Variants in KDM4A observed in about 807,000 individuals in gnomAD.
The protein encoded by KDM4A is lysine demethylase 4A, also known as lysine-specific demethylase 4A.
KDM4A carries 23 observed loss-of-function variants against 127.1 expected under a neutral mutation model. The observed-to-expected ratio is 0.18, with a 90% CI of 0.13 to 0.26. The LOEUF is 0.26. Among genes scored for constraint, KDM4A ranks in the 10% least tolerant of loss-of-function variants. KDM4A has a pLI of 1.00. For missense variants in KDM4A, 890 were observed against 1,329.1 expected, an observed-to-expected ratio of 0.67 and a Z score of 5.14; for synonymous variants, 443 against 466.5, an observed-to-expected ratio of 0.95 and a Z score of 0.65.
At chr1:43,703,114 T>C (rs1661445516) in intron 19 of KDM4A, among the ~76,000 whole-genome samples, 1 of 151,928 alleles carries the variant, frequency 6.6e-6, no homozygotes, top group Admixed American at 6.5e-5. Flanking sequence ...GGCTAATTTT[T>C]TGCATTTTTA....
intron 16 of KDM4A, among the ~76,000 whole-genome samples, chr1:43,692,733 G>A (rs1661146667): frequency 6.6e-6 from 1 of 152,214 alleles, no homozygotes; most frequent in Non-Finnish European, 1.5e-5. Context: ...TGTTTGGAAT[G>A]AGGCGAGTGT....
chr1:43,665,798 T>G, intron 6 of KDM4A, 53 bp downstream of exon 6: 3 of 1,581,970 alleles, frequency 1.9e-6, no homozygotes, highest in Non-Finnish European at 2.6e-6. Context: ...GCTGTGCTCC[T>G]TGCTCTGCAC....
At chr1:43,666,631 A>G (rs1455514547) in intron 7 of KDM4A, 76 bp downstream of exon 7, 1 of 1,177,900 alleles carries the variant, frequency 8.5e-7, no homozygotes, top group Non-Finnish European at 1.3e-6. Flanking sequence ...ATTCTAGTTC[A>G]TCACTATACC....
At chr1:43,673,769 G>C (rs1472768026) in intron 11 of KDM4A, among the ~76,000 whole-genome samples, 2 of 152,050 alleles carry the variant, frequency 1.3e-5, no homozygotes, top group African/African-American at 4.8e-5. Flanking sequence ...TTGCCACCTA[G>C]CAATTCTTCC....
At chr1:43,668,165 G>A (rs544098533) in intron 9 of KDM4A, 146 bp downstream of exon 9, 7 of 1,133,266 alleles carry the variant, frequency 6.2e-6, no homozygotes, top group East Asian at 2.4e-5. Flanking sequence ...TCGCTCTGTC[G>A]CCCAGGCTGG....
intron 11 of KDM4A, among the ~76,000 whole-genome samples, chr1:43,676,527 G>T (rs1660745899): frequency 6.6e-6 from 1 of 151,994 alleles, no homozygotes; most frequent in Non-Finnish European, 1.5e-5. Flanking sequence ...CACCATCTTG[G>T]CCAGGCTGGT....
intron 3 of KDM4A, 89 bp downstream of exon 3, chr1:43,655,855 T>A: frequency 9.1e-7 from 1 of 1,094,282 alleles, no homozygotes; most frequent in Non-Finnish European, 1.3e-6. Flanking sequence ...GCTGTCCTGA[T>A]GAACAGTGTC....
Position 43,693,149 on chromosome 1 carries a change from A to G in KDM4A, c.2375+838A>G, listed in dbSNP as rs1661158501. Among the ~76,000 whole-genome samples the G allele has an allele frequency of 6.6e-6, 1 of 152,184 alleles. No homozygotes were observed. ...TCACTGGGTTCCTCACAGTCACAGG[A>G]TAGTGCTGGGAACATTCTTTCTTAT... On this transcript the variant is annotated intron_variant, in intron 16 of 21. Transcript: ENST00000372396. This position sits in a 1 kb window ranked among gnomAD's most constrained non-coding sequence, Gnocchi z 4.2.
Position 43,689,005 on chromosome 1 carries a change from A to G in KDM4A, c.1947A>G (p.Pro649=). The G allele has an allele frequency of 6.2e-7, 1 of 1,614,240 alleles. No individual in the cohort carries two copies. The highest frequency in any genetic ancestry group is 8.5e-7 in the Non-Finnish European group (1 of 1,180,042). Residue 649 remains proline, a synonymous_variant, in exon 13 of 22, where the codon CCA becomes CCG. Coordinates refer to ENST00000372396, the MANE Select transcript of KDM4A (RefSeq NM_014663.3). ...GCCAACTGTGGCAGAACCGACCTCC[A>G]AACTTTGAGGCTGAGAAGGAATTCA... ...PLSQLWQNRP[P]NFEAEKEFNE...
At chr1:43,696,417 G>A (rs1231157762) in intron 18 of KDM4A, among the ~76,000 whole-genome samples, 1 of 152,240 alleles carries the variant, frequency 6.6e-6, no homozygotes, top group Non-Finnish European at 1.5e-5. Flanking sequence ...GGCCAGCCCA[G>A]AAGGATGAAC....
chr1:43,653,375 C>G, intron 2 of KDM4A, 62 bp downstream of exon 2: 1 of 1,254,322 alleles, frequency 8.0e-7, no homozygotes, highest in South Asian at 1.5e-5. Flanking sequence ...AGATTTTTTT[C>G]CTACATTTGG....
chr1:43,669,749 A>G lies in KDM4A; in HGVS notation c.1363+450A>G, dbSNP rs998864422. On this transcript the variant is annotated intron_variant, in intron 10 of 21. Transcript: ENST00000372396. Reference sequence around the variant, plus strand: ...CTGCAACTTCTGCCTCCTGGGTTCAAGCGATTCTCCTGCCTCAGCCTTCCA... The same window carrying G: ...CTGCAACTTCTGCCTCCTGGGTTCAGGCGATTCTCCTGCCTCAGCCTTCCA... 2.0e-5 allele frequency among the ~76,000 whole-genome samples: 3 copies of G among 151,870 alleles called. 1 individual carries two copies. Among genetic ancestry groups the G allele is most frequent in the Admixed American group, 6.6e-5 (1 of 15,240 alleles).
At chr1:43,699,540 T>G (rs1255303298) in intron 19 of KDM4A, among the ~76,000 whole-genome samples, 1 of 152,196 alleles carries the variant, frequency 6.6e-6, no homozygotes. Context: ...GACTCCATTT[T>G]CTACAAGTTA....
chr1:43,666,368 T>C lies in KDM4A; in HGVS notation c.674-84T>C, dbSNP rs778995347. 4 of 1,060,224 alleles carry C rather than the reference T, an allele frequency of 3.8e-6. No homozygotes were observed. The African/African-American group carries it at 4.7e-5, about 13-fold the overall frequency. 65.7% of individuals were successfully genotyped at this position (1,060,224 alleles called of 1,614,324 possible). ...TGATGCATCCTCTTTATCATTCCGA[T>C]GAGAAGCACAGGTGTGAAGTGACTC... On this transcript the variant is annotated intron_variant, in intron 6 of 21. Transcript: ENST00000372396.
Position 43,704,750 on chromosome 1 carries a change from C to A in KDM4A, c.*380C>A. 1 of 244,784 alleles carries A rather than the reference C, an allele frequency of 4.1e-6. No individual in the cohort carries two copies. Among genetic ancestry groups the A allele is most frequent in the Non-Finnish European group, 8.0e-6 (1 of 125,762 alleles). 15.2% of individuals were successfully genotyped at this position (244,784 alleles called of 1,614,324 possible). A position where few individuals can be genotyped will look rare whatever the true frequency, so the allele number is the denominator to read the frequency against. On this transcript the variant is annotated 3_prime_UTR_variant, in exon 22 of 22. Transcript: ENST00000372396. Reference sequence around the variant, plus strand: ...GCTGAGGTGCTGGTACTTGCCCCAACCCCTACTTTTGTATTTATATGTGTG... The same window carrying A: ...GCTGAGGTGCTGGTACTTGCCCCAAACCCTACTTTTGTATTTATATGTGTG...
At chr1:43,666,351 C>G in intron 6 of KDM4A, 101 bp from the exon 7 acceptor site, 1 of 906,102 alleles carries the variant, frequency 1.1e-6, no homozygotes, top group Non-Finnish European at 1.8e-6. Context: ...GGTGATGCAT[C>G]CTCTTTATCA....
chr1:43,697,953 C>T lies in KDM4A; in HGVS notation c.2781C>T (p.Phe927=). ...CEVVRLTTET[F]YEVNFDDGSF... ...TGGTCAGGCTCACCACCGAGACCTT[C>T]TATGAAGTCAACTTTGATGATGGCT... The change falls in exon 19 of 22, where the codon TTC becomes TTT. Residue 927 remains phenylalanine (F), a synonymous_variant. Coordinates refer to ENST00000372396, the MANE Select transcript of KDM4A (RefSeq NM_014663.3). The T allele has an allele frequency of 1.2e-6, 2 of 1,614,016 alleles. No homozygotes were observed. Among genetic ancestry groups the T allele is most frequent in the South Asian group, 1.1e-5 (1 of 91,076 alleles).
chr1:43,667,884 A>G lies in KDM4A; in HGVS notation c.1028A>G (p.His343Arg), dbSNP rs1478111127. ...KAGKDNTVID[H>R]TLPTPEAAEF... ...GGGAAGGACAACACAGTTATTGACC[A>G]TACTCTGCCCACGCCAGAAGCAGCT... Residue 343 changes from histidine to arginine, a missense_variant, in exon 9 of 22, where the codon CAT (histidine) becomes CGT (arginine). This residue lies in a region of KDM4A where 389 missense variants were observed against 485.9 expected (regional missense o/e 0.80). Coordinates refer to ENST00000372396, the MANE Select transcript of KDM4A (RefSeq NM_014663.3). 6.2e-7 allele frequency: 1 copy of G among 1,614,066 alleles called. No individual in the cohort carries two copies. Among genetic ancestry groups the G allele is most frequent in the East Asian group, 2.2e-5 (1 of 44,886 alleles).
At position 43,650,229 on chromosome 1, in the gene KDM4A, C is replaced by G. The variant is rs1218337633; in HGVS notation, c.-63C>G. 6.6e-6 allele frequency: 1 copy of G among 152,206 alleles called. No individual in the cohort carries two copies. Among genetic ancestry groups the G allele is most frequent in the East Asian group, 1.9e-4 (1 of 5,192 alleles). The allele number at this position is 152,206 out of a possible 1,614,324, so 9.4% of individuals were successfully genotyped here. Reference sequence around the variant, plus strand: ...GGCGACAGCAGGAGCTGAGCCTAAGCCCTGGCGGGGCTTTGGGCTGTAGGT... The same window carrying G: ...GGCGACAGCAGGAGCTGAGCCTAAGGCCTGGCGGGGCTTTGGGCTGTAGGT... On this transcript the variant is annotated 5_prime_UTR_variant, in exon 1 of 22. Transcript: ENST00000372396.
Sources: gnomAD v4.1 joint callset for allele counts (sites outside exome capture counted in the v4.1 genomes callset) on GRCh38, gnomAD v4.1.1 for gene constraint, gnomAD v4.1.1 regional missense constraint, Gnocchi (gnomAD v3.1) non-coding constraint, MANE v1.5 for transcripts, NCBI Gene and HGNC (gene_info 2026-07-23, HGNC 2026-07-21) for gene names.